GCNT4: variants seen among roughly 807,000 people sequenced by gnomAD.
GCNT4 encodes the protein glucosaminyl (N-acetyl) transferase 4, also known as beta-1,3-galactosyl-O-glycosyl-glycoprotein beta-1,6-N-acetylglucosaminyltransferase 4.
Under a neutral mutation model 31.3 loss-of-function variants are expected in GCNT4, and 17 were observed. That is an observed-to-expected ratio of 0.54 (90% CI 0.37 to 0.81). The LOEUF is 0.81. GCNT4 is among the 40% of genes least tolerant of loss of function. The probability of loss-of-function intolerance (pLI) is 0.00; values close to 1 mark genes in which losing one functional copy is unlikely to be tolerated. For synonymous variants in GCNT4, 158 were observed against 190.6 expected (o/e 0.83, Z 1.41); for missense variants, 503 against 525.5 (o/e 0.96, Z 0.42).
intron 3 of GCNT4, among the ~76,000 whole-genome samples, chr5:75,039,544 T>C (rs747776472): frequency 3.3e-5 from 5 of 152,216 alleles, no homozygotes; most frequent in Non-Finnish European, 7.3e-5. Context: ...ATAGCTAGTA[T>C]ATTGGAGGAG....
At chr5:75,031,507 T>C (rs886764256) in intron 3 of GCNT4, among the ~76,000 whole-genome samples, 12 of 152,218 alleles carry the variant, frequency 7.9e-5, no homozygotes. Context: ...TGGGTGTGGC[T>C]GAGTTCCAAT....
intron 3 of GCNT4, among the ~76,000 whole-genome samples, chr5:75,042,311 A>C (rs996068593): frequency 9.2e-5 from 14 of 152,338 alleles, no homozygotes; most frequent in African/African-American, 3.4e-4. Context: ...TCTATTTTTG[A>C]AAATGTGTAT....
At chr5:75,034,912 C>T (rs1580238973) in intron 3 of GCNT4, among the ~76,000 whole-genome samples, 1 of 151,868 alleles carries the variant, frequency 6.6e-6, no homozygotes, top group Admixed American at 6.6e-5. Flanking sequence ...CCCAGCTAAG[C>T]GGACACGACC....
the GCNT4 span, among the ~76,000 whole-genome samples, chr5:75,019,703 T>C: frequency 6.6e-6 from 1 of 152,176 alleles, no homozygotes; most frequent in African/African-American, 2.4e-5. Flanking sequence ...ATTTTATATA[T>C]ATAACATATT....
At chr5:75,049,893 A>C (rs1254738592) in intron 2 of GCNT4, among the ~76,000 whole-genome samples, 1 of 152,246 alleles carries the variant, frequency 6.6e-6, no homozygotes, top group Non-Finnish European at 1.5e-5. Flanking sequence ...ACAACCAGAA[A>C]TGATAGAAAT....
chr5:75,053,930 A>G (rs1433963289), upstream of GCNT4, among the ~76,000 whole-genome samples: 5 of 152,144 alleles, frequency 3.3e-5, no homozygotes, highest in African/African-American at 1.2e-4. Flanking sequence ...CTCACAAGGC[A>G]GTGACGAAGC....
chr5:75,038,220 T>C (rs889100414), intron 3 of GCNT4, among the ~76,000 whole-genome samples: 2 of 152,338 alleles, frequency 1.3e-5, no homozygotes, highest in African/African-American at 4.8e-5. Context: ...GAGGTAAACA[T>C]ACTTTTCTAC....
intron 2 of GCNT4, among the ~76,000 whole-genome samples, chr5:75,049,972 C>A (rs994328425): frequency 9.9e-5 from 15 of 152,244 alleles, no homozygotes; most frequent in African/African-American, 3.6e-4. Flanking sequence ...ATAATGCACA[C>A]AGGCAATCCT....
intron 3 of GCNT4, among the ~76,000 whole-genome samples, chr5:75,046,274 T>C (rs542624910): frequency 5.3e-5 from 8 of 152,310 alleles, no homozygotes; most frequent in Non-Finnish European, 8.8e-5. Flanking sequence ...TAGAAGGTGA[T>C]GGCTGGGCAG....
chr5:75,030,000 T>C lies in GCNT4; in HGVS notation c.38A>G (p.Gln13Arg), dbSNP rs1223445260. The C allele has an allele frequency of 1.2e-6, 2 of 1,607,612 alleles. No individual in the cohort carries two copies. The highest frequency in any genetic ancestry group is 1.3e-5 in the African/African-American group (1 of 74,528). ...IFKCYFKHTL[Q>R]QKVFILFLTL... ...TAAAAACAGGATGAAAACTTTCTGC[T>C]GTAGGGTATGTTTAAAATAACATTT... Residue 13 changes from glutamine to arginine, a missense_variant, in exon 4 of 4, where the codon CAG becomes CGG. By Grantham distance (43) the Gln-to-Arg change is conservative (BLOSUM62 1). Coordinates refer to ENST00000652361, the MANE Select transcript of GCNT4 (RefSeq NM_001366737.1).
At chr5:75,040,963 C>T (rs898373603) in intron 3 of GCNT4, among the ~76,000 whole-genome samples, 8 of 151,878 alleles carry the variant, frequency 5.3e-5, no homozygotes, top group African/African-American at 1.9e-4. Flanking sequence ...CCAGTATGCT[C>T]GATATTTTTC....
intron 2 of GCNT4, among the ~76,000 whole-genome samples, chr5:75,049,228 A>C (rs542111569): frequency 2.0e-5 from 3 of 152,308 alleles, no homozygotes; most frequent in African/African-American, 7.2e-5. Flanking sequence ...CAGCTTCATA[A>C]AGCAGACTTC....
At chr5:75,034,027 T>C (rs918370449) in intron 3 of GCNT4, among the ~76,000 whole-genome samples, 1 of 152,238 alleles carries the variant, frequency 6.6e-6, no homozygotes, top group Non-Finnish European at 1.5e-5. Flanking sequence ...CATTCTTTTT[T>C]ATGGCCGCAC....
rs964182820 is a variant in GCNT4 at position 75,027,798 on chromosome 5, AATG to A, written c.*875_*877del. On this transcript the variant is annotated 3_prime_UTR_variant, in exon 4 of 4. Transcript: ENST00000652361. ...TTCCATTGTAAAGAAACTTATCTAG[AATG>A]ATAACTTATGAATTGAGGACTTAGG... is the stretch of plus-strand genomic sequence containing the variant. 1.8e-4 allele frequency: 28 copies of A among 152,506 alleles called. No homozygotes were observed. The highest frequency in any genetic ancestry group is 2.9e-4 in the Non-Finnish European group (20 of 68,012). 9.4% of individuals were successfully genotyped at this position (152,506 alleles called of 1,614,324 possible).
intron 3 of GCNT4, among the ~76,000 whole-genome samples, chr5:75,044,157 G>A (rs1302462339): frequency 1.3e-5 from 2 of 152,078 alleles, no homozygotes; most frequent in African/African-American, 4.8e-5. Flanking sequence ...GTCTTCTTGA[G>A]AGCTTGTTAT....
chr5:75,048,102 T>C (rs1743484299), intron 2 of GCNT4, 65 bp from the exon 3 acceptor site: 3 of 152,194 alleles, frequency 2.0e-5, no homozygotes, highest in South Asian at 4.1e-4. Flanking sequence ...AAACAATGAT[T>C]GCACTGATGA....
intron 3 of GCNT4, among the ~76,000 whole-genome samples, chr5:75,032,094 T>A (rs755622792): frequency 2.7e-4 from 41 of 152,002 alleles, no homozygotes; most frequent in Non-Finnish European, 4.1e-4. Context: ...TCCGCTTAAA[T>A]CCCTCTGTTT....
intron 2 of GCNT4, among the ~76,000 whole-genome samples, chr5:75,048,670 G>A (rs1309419133): frequency 6.6e-6 from 1 of 152,188 alleles, no homozygotes; most frequent in Non-Finnish European, 1.5e-5. Flanking sequence ...ACCCAAAAAG[G>A]AAAGCATTTC....
At chr5:75,048,563 C>A (rs1743497410) in intron 2 of GCNT4, among the ~76,000 whole-genome samples, 1 of 152,130 alleles carries the variant, frequency 6.6e-6, no homozygotes, top group Admixed American at 6.6e-5. Flanking sequence ...AAAACAAAAC[C>A]AAAACCATCG....
Sources: allele counts gnomAD v4.1 joint callset (sites outside exome capture counted in the v4.1 genomes callset), GRCh38; gene constraint gnomAD v4.1.1; transcripts MANE v1.5; gene names NCBI Gene and HGNC (gene_info 2026-07-23, HGNC 2026-07-21).